Variants in HEPHL1 observed in about 807,000 individuals in gnomAD.
HEPHL1 encodes the protein ferroxidase HEPHL1.
In HEPHL1, 123 loss-of-function variants were observed where a neutral mutation model predicts 122.0. That is an observed-to-expected ratio of 1.01 (90% CI 0.87 to 1.17). The LOEUF is 1.17. Among genes scored for constraint, HEPHL1 ranks in the 50% most tolerant of loss-of-function variants. The probability of loss-of-function intolerance (pLI) is 0.00; values close to 1 mark genes in which losing one functional copy is unlikely to be tolerated. For synonymous variants in HEPHL1, 527 were observed against 508.9 expected (o/e 1.04, Z -0.48); for missense variants, 1,452 against 1,430.5 (o/e 1.01, Z -0.24).
Position 94,086,098 on chromosome 11 carries a change from G to C in HEPHL1, c.1989G>C (p.Gly663=), listed in dbSNP as rs375655562. Residue 663 remains glycine (G), a synonymous_variant, in exon 11 of 20, where the codon GGG becomes GGC. Coordinates refer to ENST00000315765, the MANE Select transcript of HEPHL1 (RefSeq NM_001098672.2). ...ACATGCATGGAATTGTTTTTCAAGG[G>C]AACACCATCCACCTACGAGGGACTC... The part of the protein sequence containing the change: ...DTDMHGIVFQ[G]NTIHLRGTHR... 106 of 1,613,714 alleles carry C rather than the reference G, an allele frequency of 6.6e-5. No individual in the cohort carries two copies. The African/African-American group carries it at 1.2e-3, about 19-fold the overall frequency.
chr11:94,101,465 T>C, intron 14 of HEPHL1, 130 bp downstream of exon 14: 1 of 900,608 alleles, frequency 1.1e-6, no homozygotes, highest in Non-Finnish European at 1.6e-6. Flanking sequence ...GTCACTCTGG[T>C]ATGAGATCAT....
rs1945591460 is a variant in HEPHL1, at chr11:94,022,567, T to C, written c.170+1029T>C. 2.0e-5 allele frequency among the ~76,000 whole-genome samples: 3 copies of C among 152,222 alleles called. No individual in the cohort carries two copies. In the South Asian group the frequency reaches 6.2e-4, roughly 32 times the overall value. ...GCTTGGAAATACAGCTTCCAAGTTT[T>C]CTAACAAAACAAAGGTGGTATAGTC... On this transcript the variant is annotated intron_variant, in intron 1 of 19. Transcript: ENST00000315765.
chr11:94,023,760 C>G (rs1945601182), intron 1 of HEPHL1, among the ~76,000 whole-genome samples: 1 of 152,192 alleles, frequency 6.6e-6, no homozygotes, highest in Non-Finnish European at 1.5e-5. Flanking sequence ...GTCAGACAGA[C>G]TGCTACCTCT....
intron 1 of HEPHL1, among the ~76,000 whole-genome samples, chr11:94,023,305 C>A (rs1010366516): frequency 1.3e-5 from 2 of 152,140 alleles, no homozygotes; most frequent in Non-Finnish European, 2.9e-5. Context: ...TCTAGAAAGT[C>A]CTAATTTTTG....
At chr11:94,091,510 C>T (rs1025912703) in intron 12 of HEPHL1, among the ~76,000 whole-genome samples, 2 of 152,296 alleles carry the variant, frequency 1.3e-5, no homozygotes, top group African/African-American at 4.8e-5. Context: ...TGGAAGTATA[C>T]ATGCATTTAT....
rs750537120 is a variant in HEPHL1 at position 94,088,902 on chromosome 11, A to G, written c.2228A>G (p.Glu743Gly). 15 of 1,613,898 alleles carry G rather than the reference A, an allele frequency of 9.3e-6. No homozygotes were observed. In the East Asian group the frequency reaches 3.1e-4, roughly 34 times the overall value. The change falls in exon 12 of 20, where the codon GAA (glutamate) becomes GGA (glycine). Residue 743 changes from glutamate (E) to glycine (G), a missense_variant. Glu to Gly is a moderately conservative substitution (Grantham distance 98, BLOSUM62 -2). Coordinates refer to ENST00000315765, the MANE Select transcript of HEPHL1 (RefSeq NM_001098672.2). ...TTTTACATCGCCGCTGAAGAAGTAGAATGGGATTATGCCCCTAACAAAAAC... is the reference window on the plus strand; with the variant it reads ...TTTTACATCGCCGCTGAAGAAGTAGGATGGGATTATGCCCCTAACAAAAAC... ...RTFYIAAEEV[E>G]WDYAPNKNWE...
intron 2 of HEPHL1, among the ~76,000 whole-genome samples, chr11:94,052,035 A>C (rs1383105802): frequency 6.6e-6 from 1 of 152,100 alleles, no homozygotes; most frequent in African/African-American, 2.4e-5. Context: ...CATTTGGGTT[A>C]CTATAGCTCT....
chr11:94,063,383 C>A, intron 2 of HEPHL1, 125 bp from the exon 3 acceptor site: 1 of 747,840 alleles, frequency 1.3e-6, no homozygotes, highest in Non-Finnish European at 2.2e-6. Flanking sequence ...TGCCTCAAGT[C>A]CCATAGCAAA....
At chr11:94,064,055 A>G (rs1398708920) in intron 3 of HEPHL1, among the ~76,000 whole-genome samples, 1 of 152,252 alleles carries the variant, frequency 6.6e-6, no homozygotes, top group Non-Finnish European at 1.5e-5. Context: ...ATCCCTTATT[A>G]GTTGACTTAG....
chr11:94,075,032 G>A (rs1234187174), intron 8 of HEPHL1, 142 bp from the exon 9 acceptor site: 7 of 646,244 alleles, frequency 1.1e-5, no homozygotes, highest in African/African-American at 1.8e-5. Flanking sequence ...GCCTCTTCTG[G>A]TAGGATACAT....
chr11:94,030,194 A>C (rs911929989), intron 1 of HEPHL1, among the ~76,000 whole-genome samples: 2 of 152,172 alleles, frequency 1.3e-5, no homozygotes, highest in Non-Finnish European at 2.9e-5. Flanking sequence ...TTCTGAATCT[A>C]ATCCTTGCTG....
chr11:94,088,826 A>G lies in HEPHL1; in HGVS notation c.2152A>G (p.Ser718Gly). The change falls in exon 12 of 20, where the codon AGC becomes GGC. Residue 718 changes from serine to glycine, a missense_variant. Ser to Gly is a moderately conservative substitution (Grantham distance 56). Transcript: ENST00000315765. ...RGMGQIYEVS[S>G]CDNRDPSEQR... ...CATGGGTCAGATCTATGAGGTCAGC[A>G]GCTGTGACAACAGGGACCCTTCTGA... The G allele has an allele frequency of 6.2e-7, 1 of 1,614,014 alleles. No homozygotes were observed. Among genetic ancestry groups the G allele is most frequent in the Non-Finnish European group, 8.5e-7 (1 of 1,179,886 alleles).
intron 2 of HEPHL1, among the ~76,000 whole-genome samples, chr11:94,054,230 G>A (rs1196427435): frequency 6.6e-6 from 1 of 152,178 alleles, no homozygotes; most frequent in Non-Finnish European, 1.5e-5. Flanking sequence ...ATCTTTGGCA[G>A]GCATGTTTAG....
rs1461790081 is a variant in HEPHL1 at position 94,067,814 on chromosome 11, A to AG, written c.1063+65dup. 2.7e-6 allele frequency: 4 copies of AG among 1,486,108 alleles called. No individual in the cohort carries two copies. The Admixed American group carries it at 5.3e-5, about 20-fold the overall frequency. The allele number at this position is 1,486,108 out of a possible 1,614,324, so 92.1% of individuals were successfully genotyped here. A position where few individuals can be genotyped will look rare whatever the true frequency, so the allele number is the denominator to read the frequency against. ...GGTACAATCAAACCACACAGTCACT[A>AG]GTGCTCATCCAGTACCTACTGTTAG... On this transcript the variant is annotated intron_variant, in intron 5 of 19. Coordinates refer to ENST00000315765, the MANE Select transcript of HEPHL1 (RefSeq NM_001098672.2).
intron 13 of HEPHL1, among the ~76,000 whole-genome samples, chr11:94,095,720 C>T (rs921521022): frequency 6.6e-6 from 1 of 151,888 alleles, no homozygotes; most frequent in Non-Finnish European, 1.5e-5. Flanking sequence ...TTGTAGTTCT[C>T]CTTGAAGAGG....
intron 2 of HEPHL1, among the ~76,000 whole-genome samples, chr11:94,060,139 TATATATATATAC>T (rs1945974661): frequency 1.5e-5 from 1 of 64,952 alleles, no homozygotes; most frequent in African/African-American, 6.8e-5. Context: ...TATATATATA[TATATATATATAC>T]ACGCACTGGG....
chr11:94,064,270 A>G, intron 3 of HEPHL1, 61 bp from the exon 4 acceptor site: 1 of 1,330,490 alleles, frequency 7.5e-7, no homozygotes, highest in Non-Finnish European at 1.1e-6. Flanking sequence ...CACTATTGGA[A>G]GGAAGCAAAG....
Position 94,087,336 on chromosome 11 carries a change from G to C in HEPHL1, c.2080+1147G>C, listed in dbSNP as rs1946226455. ...TTTAGAAATGGAGCTACTTATTCTAGTGCTTTGATCATTACTCCATGTGTC... is the reference window on the plus strand; with the variant it reads ...TTTAGAAATGGAGCTACTTATTCTACTGCTTTGATCATTACTCCATGTGTC... On this transcript the variant is annotated intron_variant, in intron 11 of 19. Transcript: ENST00000315765. 2.6e-5 allele frequency among the ~76,000 whole-genome samples: 4 copies of C among 152,132 alleles called. No individual in the cohort carries two copies. The South Asian group carries it at 8.3e-4, about 32-fold the overall frequency.
At chr11:94,077,860 G>A (rs1255418944) in intron 9 of HEPHL1, among the ~76,000 whole-genome samples, 2 of 152,186 alleles carry the variant, frequency 1.3e-5, no homozygotes, top group African/African-American at 4.8e-5. Flanking sequence ...CTTATGCCTG[G>A]AATGTCATCC....
Sources: gnomAD v4.1 joint callset for allele counts (sites outside exome capture counted in the v4.1 genomes callset) on GRCh38, gnomAD v4.1.1 for gene constraint, MANE v1.5 for transcripts, NCBI Gene and HGNC (gene_info 2026-07-23, HGNC 2026-07-21) for gene names.